Variants in GFM2 observed in about 807,000 individuals in gnomAD.
The protein encoded by GFM2 is GTP dependent ribosome recycling factor mitochondrial 2, also known as ribosome-releasing factor 2, mitochondrial.
In GFM2, 72 loss-of-function variants were observed where a neutral mutation model predicts 95.4. That is an observed-to-expected ratio of 0.76 (90% CI 0.62 to 0.92). The LOEUF (loss-of-function observed/expected upper bound fraction) is 0.92. Ranked by LOEUF, GFM2 falls within the 40% of genes least tolerant of loss-of-function variation. GFM2 has a pLI of 0.00. For synonymous variants in GFM2, 276 were observed against 317.5 expected, an observed-to-expected ratio of 0.87 and a Z score of 1.39; for missense variants, 825 against 924.1, an observed-to-expected ratio of 0.89 and a Z score of 1.39.
chr5:74,743,294 T>C (rs963323260), intron 10 of GFM2, among the ~76,000 whole-genome samples: 5 of 152,304 alleles, frequency 3.3e-5, no homozygotes, highest in East Asian at 1.9e-4. Context: ...TTGGGTAATA[T>C]AGTAACTCCA....
chr5:74,728,156 G>A (rs1750233388), intron 17 of GFM2, among the ~76,000 whole-genome samples: 1 of 152,116 alleles, frequency 6.6e-6, no homozygotes, highest in Admixed American at 6.5e-5. Flanking sequence ...CTTGAATAAT[G>A]TGGGGGCTAG....
intron 10 of GFM2, among the ~76,000 whole-genome samples, chr5:74,744,626 T>TCA (rs1743288896): frequency 6.6e-6 from 1 of 152,178 alleles, no homozygotes; most frequent in Non-Finnish European, 1.5e-5. Flanking sequence ...ATATACCAAC[T>TCA]ATAAAATTGA....
At chr5:74,753,150 A>C (rs1437934757) in intron 5 of GFM2, among the ~76,000 whole-genome samples, 2 of 152,234 alleles carry the variant, frequency 1.3e-5, no homozygotes, top group Non-Finnish European at 2.9e-5. Context: ...CAACTTAAAA[A>C]AACTGTTTAA....
intron 17 of GFM2, among the ~76,000 whole-genome samples, chr5:74,727,400 T>C (rs1367293884): frequency 6.6e-6 from 1 of 152,214 alleles, no homozygotes; most frequent in Non-Finnish European, 1.5e-5. Context: ...CATTTTAAAT[T>C]TGTTATGCCA....
intron 15 of GFM2, among the ~76,000 whole-genome samples, chr5:74,734,698 A>G (rs1265632751): frequency 6.6e-6 from 1 of 152,238 alleles, no homozygotes; most frequent in Non-Finnish European, 1.5e-5. Flanking sequence ...TTATTTTAAA[A>G]TATTTGTGAT....
intron 15 of GFM2, among the ~76,000 whole-genome samples, chr5:74,736,115 C>T (rs1256786490): frequency 1.3e-5 from 2 of 152,162 alleles, no homozygotes; most frequent in Non-Finnish European, 2.9e-5. Flanking sequence ...CATTGTGGAG[C>T]CACTCTAATC....
At position 74,721,214 on chromosome 5, in the gene GFM2, A is replaced by C. The variant is rs978674550; in HGVS notation, c.*441T>G. ...AAAAGGCCACAGCAATCTGTACTAC[A>C]ATCAACTTTATTTTGAAATCATGTA... On this transcript the variant is annotated 3_prime_UTR_variant, in exon 21 of 21. Coordinates refer to ENST00000296805, the MANE Select transcript of GFM2 (RefSeq NM_032380.5). 4 of 1,431,402 alleles carry C rather than the reference A, an allele frequency of 2.8e-6. No homozygotes were observed. Among genetic ancestry groups the C allele is most frequent in the Non-Finnish European group, 3.9e-6 (4 of 1,013,770 alleles). The allele number at this position is 1,431,402 out of a possible 1,614,324, so 88.7% of individuals were successfully genotyped here. A position where few individuals can be genotyped will look rare whatever the true frequency, so the allele number is the denominator to read the frequency against.
chr5:74,750,913 A>T (rs1163306619), intron 6 of GFM2, among the ~76,000 whole-genome samples: 4 of 152,244 alleles, frequency 2.6e-5, no homozygotes, highest in Non-Finnish European at 4.4e-5. Flanking sequence ...ATATACACAT[A>T]CAATGGAATA....
chr5:74,746,127 T>C lies in GFM2; in HGVS notation c.647A>G (p.Lys216Arg). 1 of 1,549,764 alleles carries C rather than the reference T, an allele frequency of 6.5e-7. No individual in the cohort carries two copies. Among genetic ancestry groups the C allele is most frequent in the South Asian group, 1.3e-5 (1 of 77,980 alleles). ...TACCTGTAAAAGCAAAGGCTTTGCC[T>C]TTAACTTCTCTCTGATGCTTTCAAC... ...YAVESIREKL[K>R]AKPLLLQLPI... The change falls in exon 9 of 21, where the codon AAG becomes AGG. Residue 216 changes from lysine (K) to arginine (R), a missense_variant. Physicochemically the swap from Lys to Arg is conservative, Grantham distance 26. Transcript: ENST00000296805.
Position 74,758,914 on chromosome 5 carries a change from T to A in GFM2, c.239A>T (p.Asp80Val), listed in dbSNP as rs1244659659. ...IRNIGIMAHIDAGKTTTTERI... is the reference protein window; with the variant it reads ...IRNIGIMAHIVAGKTTTTERI... ...TTCTGTGGTGGTAGTTTTGCCTGCA[T>A]CAATATGAGCCATAATTCCAATATT... is the stretch of plus-strand genomic sequence containing the variant. The change falls in exon 5 of 21, where the codon GAT becomes GTT. Residue 80 changes from aspartate to valine, a missense_variant. Physicochemically the swap from Asp to Val is radical, Grantham distance 152 (BLOSUM62 -3). Transcript: ENST00000296805. 6.2e-7 allele frequency: 1 copy of A among 1,608,652 alleles called. No individual in the cohort carries two copies. The highest frequency in any genetic ancestry group is 2.2e-5 in the East Asian group (1 of 44,834).
intron 7 of GFM2, among the ~76,000 whole-genome samples, chr5:74,749,056 C>G (rs1743559340): frequency 6.6e-6 from 1 of 151,442 alleles, no homozygotes; most frequent in South Asian, 2.1e-4. Context: ...GTTGCCCAGG[C>G]TGGAATGCAG....
chr5:74,737,218 C>T (rs1742881165), intron 14 of GFM2, among the ~76,000 whole-genome samples: 1 of 152,090 alleles, frequency 6.6e-6, no homozygotes, highest in African/African-American at 2.4e-5. Flanking sequence ...AACAATAAAA[C>T]ACACACACAT....
intron 17 of GFM2, among the ~76,000 whole-genome samples, chr5:74,727,277 T>TA (rs1750191860): frequency 6.6e-6 from 1 of 152,200 alleles, no homozygotes; most frequent in Admixed American, 6.5e-5. Flanking sequence ...AAGAGAGTAT[T>TA]ACCAATATTT....
chr5:74,742,572 T>C (rs1195154343), intron 10 of GFM2, among the ~76,000 whole-genome samples: 4 of 152,188 alleles, frequency 2.6e-5, no homozygotes, highest in African/African-American at 7.2e-5. Context: ...ACCTTCAATA[T>C]TGGAAGTTGA....
intron 1 of GFM2, among the ~76,000 whole-genome samples, chr5:74,766,386 A>T (rs187809269): frequency 6.6e-6 from 1 of 152,262 alleles, no homozygotes; most frequent in South Asian, 2.1e-4. Flanking sequence ...TTCTTTTGGT[A>T]CAGTTCTTTT....
rs528256007 is a variant in GFM2 at position 74,733,887 on chromosome 5, G to A, written c.1511-789C>T. ...TATGATGAATTATCACAACCATTGC[G>A]AAAATAATGTATATTTTAGATGGCA... On this transcript the variant is annotated intron_variant, in intron 15 of 20. Transcript: ENST00000296805. 5.3e-5 allele frequency among the ~76,000 whole-genome samples: 8 copies of A among 152,216 alleles called. No individual in the cohort carries two copies. In the Middle Eastern group the frequency reaches 0.01, roughly 194 times the overall value.
rs369332450 is a variant in GFM2, at chr5:74,763,248, T to C, written c.63+432A>G. The stretch of plus-strand genomic sequence containing the variant: ...CAGCTCTGCAGAAGACAGCCAAAAG[T>C]AGTTGTATCAACCATTGTATAATTA... On this transcript the variant is annotated intron_variant, in intron 2 of 20. Coordinates refer to ENST00000296805, the MANE Select transcript of GFM2 (RefSeq NM_032380.5). 9.8e-5 allele frequency among the ~76,000 whole-genome samples: 15 copies of C among 152,330 alleles called. No individual in the cohort carries two copies. The East Asian group carries it at 2.5e-3, about 25-fold the overall frequency.
At chr5:74,732,469 T>C (rs1312433910) in intron 16 of GFM2, among the ~76,000 whole-genome samples, 1 of 152,078 alleles carries the variant, frequency 6.6e-6, no homozygotes, top group East Asian at 1.9e-4. Context: ...CATTACCCTG[T>C]CCTCCTAAAA....
At chr5:74,730,230 AAAGC>A in intron 17 of GFM2, 26 bp downstream of exon 17, 1 of 1,581,102 alleles carries the variant, frequency 6.3e-7, no homozygotes, top group East Asian at 2.3e-5. Flanking sequence ...AAAGAGAGAA[AAAGC>A]AAATCCTAAA....
Sources: allele counts gnomAD v4.1 joint callset (sites outside exome capture counted in the v4.1 genomes callset), GRCh38; gene constraint gnomAD v4.1.1; transcripts MANE v1.5; gene names NCBI Gene and HGNC (gene_info 2026-07-23, HGNC 2026-07-21).